CACNA1D: variants seen among roughly 807,000 people sequenced by gnomAD.
CACNA1D encodes the protein calcium voltage-gated channel subunit alpha1 D.
In CACNA1D, 55 loss-of-function variants were observed where a neutral mutation model predicts 257.1. The observed-to-expected ratio is 0.21, with a 90% CI of 0.17 to 0.27. The LOEUF (loss-of-function observed/expected upper bound fraction) is 0.27. Ranked by LOEUF, CACNA1D falls within the 10% of genes least tolerant of loss-of-function variation. CACNA1D has a pLI of 1.00. For synonymous variants in CACNA1D, 980 were observed against 1,014.9 expected, an observed-to-expected ratio of 0.97 and a Z score of 0.65; for missense variants, 1,876 against 2,784.0, an observed-to-expected ratio of 0.67 and a Z score of 7.34.
chr3:53,633,687 G>C (rs114520692), intron 3 of CACNA1D, among the ~76,000 whole-genome samples: 1 of 152,252 alleles, frequency 6.6e-6, no homozygotes, highest in East Asian at 1.9e-4. Context: ...TATAGTGTTG[G>C]CTCCACAGAC....
intron 3 of CACNA1D, among the ~76,000 whole-genome samples, chr3:53,526,292 T>G (rs2091762704): frequency 6.6e-6 from 1 of 152,162 alleles, no homozygotes; most frequent in Non-Finnish European, 1.5e-5. Flanking sequence ...AAGTATTGGT[T>G]ATTGGGGAAA....
In CACNA1D at chr3:53,495,735, G is replaced by T. The variant is rs1401231745; in HGVS notation, c.67+502G>T. Among the ~76,000 whole-genome samples, 1 of 152,204 alleles carries T rather than the reference G, an allele frequency of 6.6e-6. No individual in the cohort carries two copies. Among genetic ancestry groups the T allele is most frequent in the African/African-American group, 2.4e-5 (1 of 41,466 alleles). On this transcript the variant is annotated intron_variant, in intron 1 of 47. Transcript: ENST00000350061. The surrounding 1 kb of genome is among the most constrained non-coding windows in gnomAD (Gnocchi z 5.1). ...GGGTGAAGCACACCCATCCCCTCGC[G>T]GGGGAGGCCCGGCCTCGGTATCGGG...
chr3:53,808,882 T>C (rs1233677405), intron 46 of CACNA1D, 112 bp downstream of exon 46: 2 of 1,095,646 alleles, frequency 1.8e-6, no homozygotes, highest in South Asian at 1.4e-5. Context: ...GGAGAGAATC[T>C]TCACCTACAG....
rs957098581 is a variant in CACNA1D at position 53,710,278 on chromosome 3, G to A, written c.1390+7468G>A. The A allele has an allele frequency of 2.9e-4, 119 of 414,840 alleles. 1 individual carries two copies. The highest frequency in any genetic ancestry group is 3.8e-4 in the South Asian group (22 of 58,006). The allele number at this position is 414,840 out of a possible 1,614,324, so 25.7% of individuals were successfully genotyped here. ...CTAGCAGGAGGGGTCTGGGGCAGGC[G>A]GGCGTCCATTGCGTGAGGCAACCTG... On this transcript the variant is annotated intron_variant, in intron 9 of 47. Transcript: ENST00000350061.
At chr3:53,766,398 G>A (rs1019103627) in intron 30 of CACNA1D, among the ~76,000 whole-genome samples, 2 of 152,230 alleles carry the variant, frequency 1.3e-5, no homozygotes, top group African/African-American at 4.8e-5. Flanking sequence ...GAAATAGTCA[G>A]AGGGAAGACT....
At position 53,789,669 on chromosome 3, in the gene CACNA1D, A is replaced by G. The variant is rs998756076; in HGVS notation, c.4923+2717A>G. On this transcript the variant is annotated intron_variant, in intron 40 of 47. Coordinates refer to ENST00000350061, the MANE Select transcript of CACNA1D (RefSeq NM_001128840.3). The surrounding 1 kb of genome is among the most constrained non-coding windows in gnomAD (Gnocchi z 4.2). ...CCCATGGCTGGCAGACTGCGTGCTA[A>G]TGGAAAGTGGAGCATGGCCGTCGCA... Among the ~76,000 whole-genome samples, 2 of 152,208 alleles carry G rather than the reference A, an allele frequency of 1.3e-5. No homozygotes were observed. The highest frequency in any genetic ancestry group is 4.8e-5 in the African/African-American group (2 of 41,448).
At chr3:53,618,355 A>T (rs558585260) in intron 3 of CACNA1D, among the ~76,000 whole-genome samples, 2 of 152,318 alleles carry the variant, frequency 1.3e-5, no homozygotes, top group Admixed American at 1.3e-4. Flanking sequence ...ACTTCAGCTC[A>T]TGGGCAGCCT....
rs186028749 is a variant in CACNA1D, at chr3:53,617,865, C to A, written c.484-32914C>A. 5.2e-4 allele frequency among the ~76,000 whole-genome samples: 79 copies of A among 152,218 alleles called. No individual in the cohort carries two copies. In the East Asian group the frequency reaches 0.015, roughly 28 times the overall value. On this transcript the variant is annotated intron_variant, in intron 3 of 47. Coordinates refer to ENST00000350061, the MANE Select transcript of CACNA1D (RefSeq NM_001128840.3). ...GGAGGCATGTGTGCAGTGGAAAGAGCCCTGGACTTGGAGACCAAACAGAAG... is the reference window on the plus strand; with the variant it reads ...GGAGGCATGTGTGCAGTGGAAAGAGACCTGGACTTGGAGACCAAACAGAAG...
chr3:53,803,561 C>T lies in CACNA1D; in HGVS notation c.5574C>T (p.Pro1858=). 6.2e-7 allele frequency: 1 copy of T among 1,613,958 alleles called. No homozygotes were observed. The highest frequency in any genetic ancestry group is 8.5e-7 in the Non-Finnish European group (1 of 1,179,962). ...SEECYEDDSS[P]TWSRQNYGYY... Reference sequence around the variant, plus strand: ...AATGCTACGAGGATGACAGCTCGCCCACCTGGAGCAGGTGAGCTGCTCTGG... The same window carrying T: ...AATGCTACGAGGATGACAGCTCGCCTACCTGGAGCAGGTGAGCTGCTCTGG... Residue 1858 remains proline (P), a synonymous_variant, in exon 44 of 48, where the codon CCC becomes CCT. Transcript: ENST00000350061.
At chr3:53,618,005 GC>G (rs1487377671) in intron 3 of CACNA1D, among the ~76,000 whole-genome samples, 1 of 152,168 alleles carries the variant, frequency 6.6e-6, no homozygotes, top group African/African-American at 2.4e-5. Context: ...ATGAAGAGGA[GC>G]CCCGAGCCAC....
intron 9 of CACNA1D, among the ~76,000 whole-genome samples, chr3:53,717,598 G>C (rs2094833197): frequency 6.6e-6 from 1 of 152,178 alleles, no homozygotes; most frequent in Admixed American, 6.5e-5. Context: ...ACTGAGACCA[G>C]AGTCAACCTT....
intron 10 of CACNA1D, among the ~76,000 whole-genome samples, chr3:53,719,304 G>T (rs778195721): frequency 2.2e-4 from 33 of 152,206 alleles, no homozygotes; most frequent in Non-Finnish European, 4.6e-4. Flanking sequence ...ACAGAGAATG[G>T]GTTTGTCATC....
At chr3:53,794,958 A>T (rs1335022231) in intron 40 of CACNA1D, among the ~76,000 whole-genome samples, 1 of 152,146 alleles carries the variant, frequency 6.6e-6, no homozygotes, top group Non-Finnish European at 1.5e-5. Flanking sequence ...CCTTTTAATC[A>T]TCTCCCTTGT....
rs2090388068 is a variant in CACNA1D at position 53,497,173 on chromosome 3, C to T, written c.89C>T (p.Thr30Ile). The T allele has an allele frequency of 1.2e-6, 2 of 1,613,892 alleles. No individual in the cohort carries two copies. The highest frequency in any genetic ancestry group is 1.1e-5 in the South Asian group (1 of 91,060). ...HANEANYARG[T>I]RLPLSGEGPT... ...CCAGAGGCAAACTATGCAAGAGGCA[C>T]CAGACTTCCTCTTTCTGGTGAAGGA... Residue 30 changes from threonine (T) to isoleucine (I), a missense_variant, in exon 2 of 48, where the codon ACC becomes ATC. Physicochemically the swap from Thr to Ile is moderately conservative, Grantham distance 89. Around this residue, in one of 10 missense-constraint regions of CACNA1D, gnomAD observed 143 missense variants for 168.7 expected, o/e 0.85. Transcript: ENST00000350061.
chr3:53,787,451 G>GTGTA (rs1043655080), intron 40 of CACNA1D, among the ~76,000 whole-genome samples: 1 of 150,798 alleles, frequency 6.6e-6, no homozygotes, highest in East Asian at 1.9e-4. Context: ...GTGTGTGTGT[G>GTGTA]TGTATGTATG....
At position 53,501,713 on chromosome 3, in the gene CACNA1D, A is replaced by T; in HGVS notation, c.476A>T (p.His159Leu). Residue 159 changes from histidine to leucine, a missense_variant, in exon 3 of 48, where the codon CAT (histidine) becomes CTT (leucine). Physicochemically the swap from His to Leu is moderately conservative, Grantham distance 99 (BLOSUM62 -3). Coordinates refer to ENST00000350061, the MANE Select transcript of CACNA1D (RefSeq NM_001128840.3). ...FPEDDSNSTN[H>L]NLEKVEYAFL... is the part of the protein sequence containing the mutation. ...GAAGATGATTCTAATTCAACAAATCATAACTTGGTAAGTGTCCTTAGAGTT... is the reference window on the plus strand; with the variant it reads ...GAAGATGATTCTAATTCAACAAATCTTAACTTGGTAAGTGTCCTTAGAGTT... 6.4e-7 allele frequency: 1 copy of T among 1,558,236 alleles called. No individual in the cohort carries two copies. The highest frequency in any genetic ancestry group is 8.9e-7 in the Non-Finnish European group (1 of 1,129,656).
chr3:53,549,481 C>A (rs2092484169), intron 3 of CACNA1D, among the ~76,000 whole-genome samples: 3 of 152,138 alleles, frequency 2.0e-5, no homozygotes, highest in South Asian at 4.1e-4. Flanking sequence ...GATTACTTTT[C>A]TGGACTTAAC....
At chr3:53,804,734 C>T (rs931435095) in intron 44 of CACNA1D, among the ~76,000 whole-genome samples, 4 of 152,152 alleles carry the variant, frequency 2.6e-5, no homozygotes, top group East Asian at 1.9e-4. Flanking sequence ...AGGACATCTG[C>T]GATCCACATT....
At chr3:53,542,786 G>A (rs764190585) in intron 3 of CACNA1D, among the ~76,000 whole-genome samples, 7 of 152,084 alleles carry the variant, frequency 4.6e-5, no homozygotes, top group Non-Finnish European at 8.8e-5. Context: ...CAGGTGTGGT[G>A]ACTCACGCCT....
Sources: gnomAD v4.1 joint callset for allele counts (sites outside exome capture counted in the v4.1 genomes callset) on GRCh38, gnomAD v4.1.1 for gene constraint, gnomAD v4.1.1 regional missense constraint, Gnocchi (gnomAD v3.1) non-coding constraint, MANE v1.5 for transcripts, NCBI Gene and HGNC (gene_info 2026-07-23, HGNC 2026-07-21) for gene names.